Variants in OXR1 observed in about 807,000 individuals in gnomAD.
OXR1 encodes oxidation resistance 1.
A neutral mutation model predicts 104.6 loss-of-function variants in OXR1; 41 were observed. That is an observed-to-expected ratio of 0.39 (90% CI 0.31 to 0.51). The LOEUF is 0.51. OXR1 is among the 20% of genes least tolerant of loss of function. The pLI is 0.77. For synonymous variants in OXR1, 348 were observed against 348.4 expected (o/e 1.00, Z 0.01); for missense variants, 955 against 1,031.9 (o/e 0.93, Z 1.02).
intron 2 of OXR1, among the ~76,000 whole-genome samples, chr8:106,457,232 T>C (rs1298303011): frequency 6.6e-6 from 1 of 152,154 alleles, no homozygotes; most frequent in Non-Finnish European, 1.5e-5. Context: ...TAGTTAGTTG[T>C]CTTGGGATAG....
chr8:106,408,621 A>T (rs1426214156), intron 2 of OXR1, among the ~76,000 whole-genome samples: 2 of 152,186 alleles, frequency 1.3e-5, no homozygotes, highest in African/African-American at 4.8e-5. Flanking sequence ...CTCTTCACTA[A>T]TGTCAACTTT....
intron 1 of OXR1, among the ~76,000 whole-genome samples, chr8:106,275,222 A>G (rs546365046): frequency 5.3e-5 from 8 of 152,378 alleles, no homozygotes; most frequent in Admixed American, 4.6e-4. Context: ...CAAGGAAGAA[A>G]TGAGAAATTT....
At chr8:106,582,091 G>A (rs1375350326) in intron 3 of OXR1, among the ~76,000 whole-genome samples, 6 of 143,374 alleles carry the variant, frequency 4.2e-5, no homozygotes, top group African/African-American at 1.3e-4. Context: ...TTTCTAGCCA[G>A]TGACTAGTAA....
At chr8:106,310,260 A>C (rs1254098124) in intron 1 of OXR1, among the ~76,000 whole-genome samples, 1 of 149,068 alleles carries the variant, frequency 6.7e-6, no homozygotes, top group Admixed American at 6.7e-5. Flanking sequence ...CTCTTTCCTA[A>C]GCTCTCTATC....
At chr8:106,658,219 C>T in intron 3 of OXR1, 1 of 1,232,528 alleles carries the variant, frequency 8.1e-7, no homozygotes, top group Non-Finnish European at 1.0e-6. Flanking sequence ...CCCGCGCGGC[C>T]GACCTGGGCT....
At chr8:106,732,114 A>G (rs1833944069) in intron 11 of OXR1, among the ~76,000 whole-genome samples, 1 of 152,042 alleles carries the variant, frequency 6.6e-6, no homozygotes, top group African/African-American at 2.4e-5. Flanking sequence ...TGTTAGAATT[A>G]TATGTATTTC....
rs1471852657 is a variant in OXR1 at position 106,698,630 on chromosome 8, C to G, written c.676-4276C>G. On this transcript the variant is annotated intron_variant, in intron 7 of 16. Coordinates refer to ENST00000517566, the MANE Select transcript of OXR1 (RefSeq NM_001198533.2). ...AATTTTAATTGCTTGTTTTTAAATT[C>G]ACCAATTTTTTTTCTGCCATGGCTA... is the stretch of plus-strand genomic sequence containing the variant. Among the ~76,000 whole-genome samples, 3 of 151,970 alleles carry G rather than the reference C, an allele frequency of 2.0e-5. No homozygotes were observed. The East Asian group carries it at 5.8e-4, about 29-fold the overall frequency.
At chr8:106,643,231 C>T (rs1259707288) in intron 3 of OXR1, among the ~76,000 whole-genome samples, 1 of 152,080 alleles carries the variant, frequency 6.6e-6, no homozygotes, top group Non-Finnish European at 1.5e-5. Flanking sequence ...CTTTTTGGGC[C>T]ATAAAGTCTC....
chr8:106,364,744 G>A (rs1339864241), intron 2 of OXR1, among the ~76,000 whole-genome samples: 1 of 152,108 alleles, frequency 6.6e-6, no homozygotes, highest in Non-Finnish European at 1.5e-5. Flanking sequence ...AATAAATGAA[G>A]AAGTTGAATC....
Position 106,348,476 on chromosome 8 carries a change from T to A in OXR1, c.-138-11000T>A, listed in dbSNP as rs1017089752. On this transcript the variant is annotated intron_variant, in intron 1 of 16. Transcript: ENST00000517566. ...CTAAGATATTTTCTCATTTGAAACATTTATTTTAAAAAATTTAATCTGCTG... is the reference window on the plus strand; with the variant it reads ...CTAAGATATTTTCTCATTTGAAACAATTATTTTAAAAAATTTAATCTGCTG... 2.0e-5 allele frequency among the ~76,000 whole-genome samples: 3 copies of A among 152,328 alleles called. No individual in the cohort carries two copies. The East Asian group carries it at 5.8e-4, about 29-fold the overall frequency.
chr8:106,628,765 T>G (rs536843409), intron 3 of OXR1, among the ~76,000 whole-genome samples: 2 of 152,212 alleles, frequency 1.3e-5, no homozygotes, highest in African/African-American at 2.4e-5. Flanking sequence ...GTATATCTAA[T>G]GCCTCTGATC....
intron 3 of OXR1, among the ~76,000 whole-genome samples, chr8:106,609,818 A>G (rs1820678142): frequency 7.2e-6 from 1 of 138,244 alleles, no homozygotes; most frequent in African/African-American, 2.7e-5. Flanking sequence ...TTCAATAAGT[A>G]TATATGTGTG....
intron 1 of OXR1, 129 bp from the exon 2 acceptor site, chr8:106,359,347 T>C: frequency 2.7e-6 from 1 of 375,396 alleles, no homozygotes; most frequent in Non-Finnish European, 4.8e-6. Context: ...TCTTATATTT[T>C]AAGAAAAAGA....
intron 2 of OXR1, among the ~76,000 whole-genome samples, chr8:106,459,821 G>A (rs1033234796): frequency 1.3e-5 from 2 of 152,018 alleles, no homozygotes; most frequent in Admixed American, 6.6e-5. Context: ...CACTAATTTC[G>A]TAAAAGACAC....
intron 1 of OXR1, among the ~76,000 whole-genome samples, chr8:106,354,991 A>T (rs2130320229): frequency 6.6e-6 from 1 of 152,090 alleles, no homozygotes; most frequent in Admixed American, 6.5e-5. Context: ...GTATTCAAGG[A>T]CTCTTCACAT....
chr8:106,336,278 C>T (rs532699915), intron 1 of OXR1, among the ~76,000 whole-genome samples: 1 of 152,160 alleles, frequency 6.6e-6, no homozygotes, highest in South Asian at 2.1e-4. Flanking sequence ...TGTCTGGCAC[C>T]CCAGTGGATC....
chr8:106,479,448 C>T (rs1259244186), intron 2 of OXR1, among the ~76,000 whole-genome samples: 3 of 151,960 alleles, frequency 2.0e-5, no homozygotes, highest in Non-Finnish European at 4.4e-5. Flanking sequence ...ATTTTCTCTA[C>T]TGCTAATAGG....
intron 2 of OXR1, among the ~76,000 whole-genome samples, chr8:106,481,687 T>C (rs1034072878): frequency 2.6e-5 from 4 of 152,050 alleles, no homozygotes; most frequent in African/African-American, 7.2e-5. Context: ...CCAACTCAAT[T>C]TTGCCACCTG....
At chr8:106,705,393 A>T (rs1292735982) in intron 8 of OXR1, among the ~76,000 whole-genome samples, 1 of 152,186 alleles carries the variant, frequency 6.6e-6, no homozygotes, top group Non-Finnish European at 1.5e-5. Context: ...AATTATGCAT[A>T]CTTGTTGCAG....
Sources: gnomAD v4.1 joint callset for allele counts (sites outside exome capture counted in the v4.1 genomes callset) on GRCh38, gnomAD v4.1.1 for gene constraint, MANE v1.5 for transcripts, NCBI Gene and HGNC (gene_info 2026-07-23, HGNC 2026-07-21) for gene names.